FAM227B: variants seen among roughly 807,000 people sequenced by gnomAD.
The protein encoded by FAM227B is family with sequence similarity 227 member B, also known as protein FAM227B.
FAM227B carries 88 observed loss-of-function variants against 73.8 expected under a neutral mutation model. The ratio of observed to expected loss-of-function variants is 1.19; its 90% CI spans 1.00 to 1.42. The LOEUF (loss-of-function observed/expected upper bound fraction) is 1.42. Among genes scored for constraint, FAM227B ranks in the 40% most tolerant of loss-of-function variants. The probability of loss-of-function intolerance (pLI) is 0.00; values close to 1 mark genes in which losing one functional copy is unlikely to be tolerated. For synonymous variants in FAM227B, 210 were observed against 190.5 expected (o/e 1.10, Z -0.84); for missense variants, 632 against 590.9 (o/e 1.07, Z -0.72).
In FAM227B at chr15:49,545,612, T is replaced by C. The variant is rs551707607; in HGVS notation, c.748-3806A>G. Among the ~76,000 whole-genome samples, 3 of 152,294 alleles carry C rather than the reference T, an allele frequency of 2.0e-5. No homozygotes were observed. The East Asian group carries it at 5.8e-4, about 29-fold the overall frequency. On this transcript the variant is annotated intron_variant, in intron 9 of 15. Coordinates refer to ENST00000299338, the MANE Select transcript of FAM227B (RefSeq NM_152647.3). ...GTCTATTTGTGCTTTTTTAGGCTTT[T>C]TGATATAGACATTTAATGCTATGAA...
At chr15:49,458,878 G>A (rs1430975446) in intron 11 of FAM227B, among the ~76,000 whole-genome samples, 1 of 151,996 alleles carries the variant, frequency 6.6e-6, no homozygotes, top group African/African-American at 2.4e-5. Flanking sequence ...TTTCTAGACT[G>A]ACCAACATCT....
chr15:49,431,249 C>T (rs2050590865), intron 11 of FAM227B, among the ~76,000 whole-genome samples: 2 of 151,770 alleles, frequency 1.3e-5, no homozygotes, highest in African/African-American at 4.8e-5. Flanking sequence ...CTGCCTTCCA[C>T]ATGATTTGGA....
intron 11 of FAM227B, among the ~76,000 whole-genome samples, chr15:49,503,249 C>T (rs2058298041): frequency 6.6e-6 from 1 of 152,130 alleles, no homozygotes; most frequent in African/African-American, 2.4e-5. Context: ...TGGATCCCTT[C>T]CTTACACCTT....
At chr15:49,384,735 G>C (rs2046771265) in intron 11 of FAM227B, among the ~76,000 whole-genome samples, 1 of 151,186 alleles carries the variant, frequency 6.6e-6, no homozygotes, top group African/African-American at 2.5e-5. Flanking sequence ...TAATAGTTAA[G>C]ATTATAGATC....
chr15:49,568,183 C>T (rs966604404), intron 9 of FAM227B, 62 bp downstream of exon 9: 4 of 1,378,746 alleles, frequency 2.9e-6, no homozygotes, highest in Non-Finnish European at 4.0e-6. Flanking sequence ...AATAAAATAA[C>T]GATTTTTTCT....
At chr15:49,548,835 T>C (rs1440580515) in intron 9 of FAM227B, among the ~76,000 whole-genome samples, 1 of 152,238 alleles carries the variant, frequency 6.6e-6, no homozygotes, top group African/African-American at 2.4e-5. Context: ...CTAATAATCC[T>C]TTGACTTTCT....
intron 11 of FAM227B, chr15:49,484,771 T>C: frequency 3.5e-6 from 1 of 288,162 alleles, no homozygotes; most frequent in Non-Finnish European, 6.4e-6. Context: ...AATCATGATG[T>C]TAGTAACAGT....
intron 13 of FAM227B, among the ~76,000 whole-genome samples, chr15:49,355,298 C>CGTT (rs2042955632): frequency 6.6e-6 from 1 of 152,054 alleles, no homozygotes; most frequent in East Asian, 1.9e-4. Context: ...CTCTGAGCTA[C>CGTT]GGGAGGACAT....
intron 11 of FAM227B, among the ~76,000 whole-genome samples, chr15:49,397,393 G>T (rs1465392053): frequency 6.6e-6 from 1 of 152,116 alleles, no homozygotes; most frequent in Middle Eastern, 3.2e-3. Context: ...GAAAGTGATG[G>T]GGAGAATGGA....
At chr15:49,372,515 G>T (rs1567173300) in intron 11 of FAM227B, among the ~76,000 whole-genome samples, 2 of 152,198 alleles carry the variant, frequency 1.3e-5, no homozygotes, top group Non-Finnish European at 2.9e-5. Flanking sequence ...CTGCCTGTCA[G>T]AGTCCTGTTT....
At chr15:49,463,107 G>A (rs1189746667) in intron 11 of FAM227B, among the ~76,000 whole-genome samples, 1 of 152,170 alleles carries the variant, frequency 6.6e-6, no homozygotes, top group Admixed American at 6.5e-5. Context: ...CAATCCTGAC[G>A]ATTCTTGCCC....
At chr15:49,519,719 A>G (rs1196204695) in intron 10 of FAM227B, among the ~76,000 whole-genome samples, 2 of 152,110 alleles carry the variant, frequency 1.3e-5, no homozygotes, top group Non-Finnish European at 2.9e-5. Flanking sequence ...TTTTCTTCCT[A>G]GGCCTCAGCT....
chr15:49,562,230 C>T (rs539047929), intron 9 of FAM227B, among the ~76,000 whole-genome samples: 5 of 151,990 alleles, frequency 3.3e-5, no homozygotes, highest in African/African-American at 7.2e-5. Context: ...ACACTACACA[C>T]ACAAGTTAGA....
At chr15:49,545,818 G>A (rs1007352286) in intron 9 of FAM227B, among the ~76,000 whole-genome samples, 6 of 152,042 alleles carry the variant, frequency 3.9e-5, no homozygotes, top group Admixed American at 6.5e-5. Flanking sequence ...TCCTTTTGGA[G>A]TAATTTCTAA....
At chr15:49,388,970 T>C (rs2047043813) in intron 11 of FAM227B, among the ~76,000 whole-genome samples, 1 of 151,892 alleles carries the variant, frequency 6.6e-6, no homozygotes, top group African/African-American at 2.4e-5. Context: ...ATGGCCATTA[T>C]TAATAAAAAG....
chr15:49,361,918 A>C (rs1308699770), intron 13 of FAM227B, among the ~76,000 whole-genome samples: 3 of 151,872 alleles, frequency 2.0e-5, no homozygotes, highest in African/African-American at 7.3e-5. Flanking sequence ...TTATTTTTTG[A>C]CTTTTCCATA....
At chr15:49,440,833 T>C (rs867877561) in intron 11 of FAM227B, among the ~76,000 whole-genome samples, 3 of 151,776 alleles carry the variant, frequency 2.0e-5, no homozygotes, top group South Asian at 2.1e-4. Flanking sequence ...TGTTTTGTTA[T>C]ATAACATTCT....
chr15:49,455,970 A>G (rs1356328094), intron 11 of FAM227B, among the ~76,000 whole-genome samples: 4 of 152,132 alleles, frequency 2.6e-5, no homozygotes, highest in African/African-American at 9.7e-5. Context: ...AGTATCAGAA[A>G]CACTCTAGAA....
chr15:49,401,718 G>A (rs1232163164), intron 11 of FAM227B, among the ~76,000 whole-genome samples: 1 of 133,684 alleles, frequency 7.5e-6, no homozygotes, highest in East Asian at 2.1e-4. Context: ...GGATGAAATT[G>A]GAAATCATCA....
Sources: gnomAD v4.1 joint callset for allele counts (sites outside exome capture counted in the v4.1 genomes callset) on GRCh38, gnomAD v4.1.1 for gene constraint, MANE v1.5 for transcripts, NCBI Gene and HGNC (gene_info 2026-07-23, HGNC 2026-07-21) for gene names.